The following HERC4 variants were observed in gnomAD, a reference collection of about 807,000 sequenced individuals.
The protein encoded by HERC4 is probable E3 ubiquitin-protein ligase HERC4.
HERC4 carries 28 observed loss-of-function variants against 124.3 expected under a neutral mutation model. The ratio of observed to expected loss-of-function variants is 0.23; its 90% CI spans 0.17 to 0.31. The LOEUF is 0.31. Among genes scored for constraint, HERC4 ranks in the 10% least tolerant of loss-of-function variants. The probability of loss-of-function intolerance (pLI) is 1.00; values close to 1 mark genes in which losing one functional copy is unlikely to be tolerated. For missense variants in HERC4, 713 were observed against 1,229.3 expected, an observed-to-expected ratio of 0.58 and a Z score of 6.28; for synonymous variants, 407 against 421.5, an observed-to-expected ratio of 0.97 and a Z score of 0.42.
intron 22 of HERC4, among the ~76,000 whole-genome samples, chr10:67,935,503 G>A (rs1249762456): frequency 2.0e-5 from 3 of 152,014 alleles, no homozygotes; most frequent in African/African-American, 4.8e-5. Flanking sequence ...TTCACTATAC[G>A]GTACCAAGAA....
chr10:67,983,442 C>T (rs60953059), intron 15 of HERC4, among the ~76,000 whole-genome samples: 12,032 of 152,076 alleles, frequency 0.079, 1,256 homozygotes, highest in African/African-American at 0.24. Flanking sequence ...CTACACTGTT[C>T]ACAATTGCCA....
At chr10:68,068,053 A>G (rs2041382595) in intron 3 of HERC4, 1 of 152,184 alleles carries the variant, frequency 6.6e-6, no homozygotes, top group African/African-American at 2.4e-5. Flanking sequence ...GTAATTTTTT[A>G]AAGATTTTTC....
At chr10:68,028,462 CT>C (rs1365383123) in intron 7 of HERC4, among the ~76,000 whole-genome samples, 2 of 152,150 alleles carry the variant, frequency 1.3e-5, no homozygotes, top group Non-Finnish European at 2.9e-5. Flanking sequence ...GTAATCTTTG[CT>C]TTTTTGTAAC....
At chr10:68,000,135 G>A (rs2037139624) in intron 9 of HERC4, among the ~76,000 whole-genome samples, 1 of 152,064 alleles carries the variant, frequency 6.6e-6, no homozygotes. Context: ...TGGGATTACA[G>A]GTGGAAGCCA....
At chr10:67,962,032 C>T (rs1025351947) in intron 16 of HERC4, among the ~76,000 whole-genome samples, 1 of 151,950 alleles carries the variant, frequency 6.6e-6, no homozygotes. Flanking sequence ...TATAGTATAC[C>T]TTGTGGGACT....
chr10:67,989,487 T>C (rs956768764), intron 14 of HERC4, among the ~76,000 whole-genome samples: 1 of 152,012 alleles, frequency 6.6e-6, no homozygotes, highest in Non-Finnish European at 1.5e-5. Flanking sequence ...TTCCCTCAGA[T>C]TCCCATATTC....
chr10:68,060,386 C>T lies in HERC4; in HGVS notation c.226+12497G>A, dbSNP rs188976987. ...CCAAGTAGCTGGGATTACAGATGCA[C>T]ACCACCATACCCAGCTAATTTTTGT... On this transcript the variant is annotated intron_variant, in intron 3 of 24. Coordinates refer to ENST00000373700, the MANE Select transcript of HERC4 (RefSeq NM_015601.4). Among the ~76,000 whole-genome samples, 353 of 152,052 alleles carry T rather than the reference C, an allele frequency of 2.3e-3. 2 individuals carry two copies. The highest frequency in any genetic ancestry group is 7.9e-3 in the African/African-American group (326 of 41,480).
At chr10:67,968,377 CTTT>C (rs879488845) in intron 15 of HERC4, among the ~76,000 whole-genome samples, 1 of 144,380 alleles carries the variant, frequency 6.9e-6, no homozygotes. Flanking sequence ...GAGGCTACTC[CTTT>C]TTTTTTTTTT....
At chr10:67,927,403 TATATATATATATATA>T (rs2031152949) in intron 23 of HERC4, among the ~76,000 whole-genome samples, 2 of 20,694 alleles carry the variant, frequency 9.7e-5, no homozygotes, top group African/African-American at 1.6e-4. Flanking sequence ...TATATATATA[TATATATATATATATA>T]TATATATATA....
At chr10:67,983,607 G>T (rs540324860) in intron 15 of HERC4, among the ~76,000 whole-genome samples, 3 of 151,624 alleles carry the variant, frequency 2.0e-5, no homozygotes, top group African/African-American at 7.3e-5. Context: ...GTGAAACCCC[G>T]TCTCTACTAA....
At chr10:67,924,314 T>C (rs562512964) in intron 24 of HERC4, among the ~76,000 whole-genome samples, 14 of 152,336 alleles carry the variant, frequency 9.2e-5, no homozygotes, top group African/African-American at 3.1e-4. Flanking sequence ...TTAACGATGA[T>C]GATATGTTCT....
chr10:67,946,344 CACAA>C (rs1242684723), intron 19 of HERC4, among the ~76,000 whole-genome samples: 8 of 114,040 alleles, frequency 7.0e-5, no homozygotes, highest in Non-Finnish European at 1.2e-4. Context: ...ATGGATAAAA[CACAA>C]ACACACACAC....
At chr10:67,970,521 G>A (rs112808559) in intron 15 of HERC4, among the ~76,000 whole-genome samples, 1,736 of 152,082 alleles carry the variant, frequency 0.011, 20 homozygotes, top group Middle Eastern at 0.031. Flanking sequence ...GAACCTAGGT[G>A]GTGGAGGTTG....
At chr10:67,943,161 T>A (rs1249256098) in intron 19 of HERC4, among the ~76,000 whole-genome samples, 10 of 152,238 alleles carry the variant, frequency 6.6e-5, no homozygotes, top group African/African-American at 2.2e-4. Flanking sequence ...CTGCTATGCA[T>A]AAATGTAACA....
chr10:68,018,992 T>A (rs563172544), intron 8 of HERC4, among the ~76,000 whole-genome samples: 2 of 132,506 alleles, frequency 1.5e-5, no homozygotes, highest in Non-Finnish European at 3.1e-5. Flanking sequence ...AAGCATTCTT[T>A]CTTTTTTTTT....
chr10:67,946,806 C>T (rs948532888), intron 19 of HERC4, among the ~76,000 whole-genome samples: 2 of 152,094 alleles, frequency 1.3e-5, no homozygotes, highest in African/African-American at 2.4e-5. Flanking sequence ...ACTCGGGAGG[C>T]TGAGGCAAGA....
At position 67,954,979 on chromosome 10, in the gene HERC4, T is replaced by A; in HGVS notation, c.2177A>T (p.Tyr726Phe). The stretch of plus-strand genomic sequence containing the variant: ...TCAAATTACCTTGAGTGGCTTCTTG[T>A]AATCTATGTTCTTTGTTTTCCTAAG... ...EVLRKTKNID[Y>F]KKPLKVIFVG... The change falls in exon 18 of 25, where the codon TAC (tyrosine) becomes TTC (phenylalanine). Residue 726 changes from tyrosine to phenylalanine, a missense_variant. Physicochemically the swap from Tyr to Phe is conservative, Grantham distance 22. Coordinates refer to ENST00000373700, the MANE Select transcript of HERC4 (RefSeq NM_015601.4). 1 of 1,601,148 alleles carries A rather than the reference T, an allele frequency of 6.2e-7. No homozygotes were observed. Among genetic ancestry groups the A allele is most frequent in the Non-Finnish European group, 8.5e-7 (1 of 1,175,612 alleles).
chr10:67,951,558 C>T (rs918101720), intron 19 of HERC4, among the ~76,000 whole-genome samples: 11 of 152,168 alleles, frequency 7.2e-5, no homozygotes, highest in Admixed American at 5.9e-4. Context: ...GTATCCTAAA[C>T]TCCAAATTTT....
At chr10:67,988,536 T>C (rs2036384725) in intron 15 of HERC4, 127 bp downstream of exon 15, 1 of 619,368 alleles carries the variant, frequency 1.6e-6, no homozygotes, top group African/African-American at 1.9e-5. Context: ...AGATAACTTT[T>C]CCAAATTTCT....
Sources: gnomAD v4.1 joint callset for allele counts (sites outside exome capture counted in the v4.1 genomes callset) on GRCh38, gnomAD v4.1.1 for gene constraint, MANE v1.5 for transcripts, NCBI Gene and HGNC (gene_info 2026-07-23, HGNC 2026-07-21) for gene names.